HFM1: variants seen among roughly 807,000 people sequenced by gnomAD.
HFM1 encodes probable ATP-dependent DNA helicase HFM1.
A neutral mutation model predicts 192.1 loss-of-function variants in HFM1; 169 were observed. The observed-to-expected ratio is 0.88, with a 90% CI of 0.78 to 1.00. The LOEUF is 1.00. HFM1 is among the 50% of genes least tolerant of loss of function. HFM1 has a pLI of 0.00. For synonymous variants in HFM1, 525 were observed against 537.8 expected, an observed-to-expected ratio of 0.98 and a Z score of 0.33; for missense variants, 1,661 against 1,668.0, an observed-to-expected ratio of 1.00 and a Z score of 0.07.
intron 30 of HFM1, among the ~76,000 whole-genome samples, chr1:91,309,583 TC>T (rs1650138904): frequency 6.6e-6 from 1 of 152,194 alleles, no homozygotes; most frequent in Non-Finnish European, 1.5e-5. Flanking sequence ...AAAATAATTC[TC>T]AAATTTTATG....
At position 91,319,345 on chromosome 1, in the gene HFM1, A is replaced by C. The variant is rs755984509; in HGVS notation, c.2628T>G (p.Ala876=). The part of the protein sequence containing the change: ...QLGCIPIQDF[A]LTQDTAKIFR... The stretch of plus-strand genomic sequence containing the variant: ...AAATCTTTGCGGTATCTTGTGTCAA[A>C]GCAAAATCTTGTATGGGAATGCATC... Residue 876 remains alanine (A), a synonymous_variant, in exon 24 of 39, where the codon GCT becomes GCG. Transcript: ENST00000370425. 4 of 1,613,152 alleles carry C rather than the reference A, an allele frequency of 2.5e-6. No individual in the cohort carries two copies. Among genetic ancestry groups the C allele is most frequent in the Non-Finnish European group, 3.4e-6 (4 of 1,179,314 alleles).
At position 91,298,770 on chromosome 1, in the gene HFM1, A is replaced by C. The variant is rs573270645; in HGVS notation, c.3391+14579T>G. On this transcript the variant is annotated intron_variant, in intron 30 of 38. Transcript: ENST00000370425. Reference sequence around the variant, plus strand: ...TTTTGTCACCACCAGGCCTGCCCTAAAAGAGCTCCTGAAGGAAGCAATAAA... The same window carrying C: ...TTTTGTCACCACCAGGCCTGCCCTACAAGAGCTCCTGAAGGAAGCAATAAA... Among the ~76,000 whole-genome samples the C allele has an allele frequency of 1.1e-4, 17 of 152,334 alleles. 1 individual carries two copies. In the South Asian group the frequency reaches 3.5e-3, roughly 32 times the overall value.
At chr1:91,309,648 G>A (rs528336064) in intron 30 of HFM1, among the ~76,000 whole-genome samples, 1 of 152,218 alleles carries the variant, frequency 6.6e-6, no homozygotes, top group South Asian at 2.1e-4. Context: ...TTTATTGTGT[G>A]TGTAATGTAT....
In HFM1 at chr1:91,353,062, A is replaced by G; in HGVS notation, c.1820T>C (p.Leu607Ser). The stretch of plus-strand genomic sequence containing the variant: ...TATGTTTTACTTACAAAGAACTGGT[A>G]AATCTCCAACAGTAAAAGCTCCCTC... ...VVEGAFTVGD[L>S]PVLFTTSTLA... The change falls in exon 15 of 39, where the codon TTA (leucine) becomes TCA (serine). Residue 607 changes from leucine to serine, a missense_variant. Physicochemically the swap from Leu to Ser is moderately radical, Grantham distance 145. Transcript: ENST00000370425. 6.3e-7 allele frequency: 1 copy of G among 1,592,280 alleles called. No homozygotes were observed. The highest frequency in any genetic ancestry group is 8.6e-7 in the Non-Finnish European group (1 of 1,161,466).
intron 20 of HFM1, among the ~76,000 whole-genome samples, chr1:91,331,867 G>A (rs978067765): frequency 6.6e-5 from 10 of 152,130 alleles, no homozygotes; most frequent in Non-Finnish European, 1.2e-4. Context: ...CTGCACTCTA[G>A]CCTGGGCGAC....
At chr1:91,360,068 T>A (rs72970335) in intron 13 of HFM1, among the ~76,000 whole-genome samples, 15,079 of 152,106 alleles carry the variant, frequency 0.099, 789 homozygotes, top group East Asian at 0.16. Flanking sequence ...AGACAGCAAA[T>A]GCTGAGGGAA....
At chr1:91,370,941 C>T (rs1386198097) in intron 13 of HFM1, among the ~76,000 whole-genome samples, 3 of 151,898 alleles carry the variant, frequency 2.0e-5, no homozygotes, top group African/African-American at 7.3e-5. Flanking sequence ...TTCTTATACA[C>T]CAATAACAGA....
At chr1:91,267,548 A>G (rs574705098) in intron 35 of HFM1, among the ~76,000 whole-genome samples, 197 bp downstream of exon 35, 8 of 152,016 alleles carry the variant, frequency 5.3e-5, no homozygotes, top group Non-Finnish European at 1.2e-4. Context: ...AATAACCTTG[A>G]TCTCTGTTCT....
intron 17 of HFM1, 35 bp downstream of exon 17, chr1:91,351,514 C>T (rs756061725): frequency 9.8e-7 from 1 of 1,025,330 alleles, no homozygotes; most frequent in Non-Finnish European, 1.5e-6. Flanking sequence ...GCTATATTAG[C>T]ATTAGTATCT....
chr1:91,295,686 C>A (rs1647437218), intron 30 of HFM1, among the ~76,000 whole-genome samples: 1 of 152,156 alleles, frequency 6.6e-6, no homozygotes, highest in African/African-American at 2.4e-5. Context: ...GAGTTGCACC[C>A]TTCACTCTTA....
At chr1:91,276,581 T>C (rs376511436) in intron 32 of HFM1, 47 bp downstream of exon 32, 56 of 880,890 alleles carry the variant, frequency 6.4e-5, no homozygotes, top group Non-Finnish European at 8.8e-5. Context: ...AGAATATTTA[T>C]ATACGTTTAA....
At chr1:91,374,951 C>G (rs1660724649) in intron 13 of HFM1, among the ~76,000 whole-genome samples, 1 of 151,974 alleles carries the variant, frequency 6.6e-6, no homozygotes, top group South Asian at 2.1e-4. Flanking sequence ...GAAAAGGGGA[C>G]TGAGAACGAA....
intron 34 of HFM1, among the ~76,000 whole-genome samples, chr1:91,271,985 A>G (rs1175513442): frequency 6.6e-6 from 1 of 152,146 alleles, no homozygotes; most frequent in Non-Finnish European, 1.5e-5. Context: ...AAATCTTATG[A>G]TTCAACATGC....
Position 91,273,733 on chromosome 1 carries a change from G to A in HFM1, c.3751C>T (p.Pro1251Ser). 1.3e-6 allele frequency: 2 copies of A among 1,578,850 alleles called. No individual in the cohort carries two copies. Among genetic ancestry groups the A allele is most frequent in the Non-Finnish European group, 8.7e-7 (1 of 1,149,538 alleles). Residue 1251 changes from proline (P) to serine (S), a missense_variant, in exon 34 of 39, where the codon CCA (proline) becomes TCA (serine). Pro to Ser is a moderately conservative substitution (Grantham distance 74). Transcript: ENST00000370425. ...PEIYGKVRQE[P>S]SEYQDKEVLN... ...TTACCTTTGTCTTGATATTCAGATG[G>A]TTCTTGTCTAACTTTTCCATAGATT...
chr1:91,391,361 G>C (rs1325387759), intron 4 of HFM1, among the ~76,000 whole-genome samples: 2 of 152,140 alleles, frequency 1.3e-5, no homozygotes, highest in African/African-American at 4.8e-5. Flanking sequence ...ATACTACAAG[G>C]CTACAGTAAC....
At chr1:91,379,969 A>G (rs1417795063) in intron 8 of HFM1, 135 bp downstream of exon 8, 2 of 427,432 alleles carry the variant, frequency 4.7e-6, no homozygotes, top group East Asian at 3.7e-5. Flanking sequence ...TTAATGACAA[A>G]TAAGACCAGA....
At position 91,342,634 on chromosome 1, in the gene HFM1, C is replaced by T. The variant is rs144143501; in HGVS notation, c.2335+796G>A. ...TTGGGTCTTCATTTCCTTATAAAGG[C>T]CCCCATGTCACATAAAACATATTAA... On this transcript the variant is annotated intron_variant, in intron 20 of 38. Coordinates refer to ENST00000370425, the MANE Select transcript of HFM1 (RefSeq NM_001017975.6). Among the ~76,000 whole-genome samples, 419 of 152,266 alleles carry T rather than the reference C, an allele frequency of 2.8e-3. 1 individual carries two copies. The highest frequency in any genetic ancestry group is 9.6e-3 in the African/African-American group (397 of 41,554).
rs370307999 is a variant in HFM1, at chr1:91,333,905, C to T, written c.2336-9139G>A. ...GATAACTACATGCTAAGTACCTAGACGACAAAAAATCAGCTAATGTTAGTA... is the reference window on the plus strand; with the variant it reads ...GATAACTACATGCTAAGTACCTAGATGACAAAAAATCAGCTAATGTTAGTA... On this transcript the variant is annotated intron_variant, in intron 20 of 38. Coordinates refer to ENST00000370425, the MANE Select transcript of HFM1 (RefSeq NM_001017975.6). 9.2e-5 allele frequency among the ~76,000 whole-genome samples: 14 copies of T among 152,090 alleles called. No individual in the cohort carries two copies. The South Asian group carries it at 2.9e-3, about 32-fold the overall frequency.
At chr1:91,390,329 G>A (rs1044881220) in intron 4 of HFM1, among the ~76,000 whole-genome samples, 3 of 151,904 alleles carry the variant, frequency 2.0e-5, no homozygotes, top group Non-Finnish European at 4.4e-5. Context: ...CTAGCTACTC[G>A]GGAGGCTGAG....
Sources: gnomAD v4.1 joint callset for allele counts (sites outside exome capture counted in the v4.1 genomes callset) on GRCh38, gnomAD v4.1.1 for gene constraint, MANE v1.5 for transcripts, NCBI Gene and HGNC (gene_info 2026-07-23, HGNC 2026-07-21) for gene names.